The following SLC7A14 variants were observed in gnomAD, a reference collection of about 807,000 sequenced individuals.
SLC7A14 encodes the protein gamma-aminobutyric acid transporter SLC7A14.
Under a neutral mutation model 60.2 loss-of-function variants are expected in SLC7A14, and 37 were observed. That is an observed-to-expected ratio of 0.61 (90% CI 0.47 to 0.81). The LOEUF (loss-of-function observed/expected upper bound fraction) is 0.81. Among genes scored for constraint, SLC7A14 ranks in the 30% least tolerant of loss-of-function variants. The pLI is 0.00. For missense variants in SLC7A14, 886 were observed against 982.7 expected (o/e 0.90, Z 1.32); for synonymous variants, 399 against 395.8 (o/e 1.01, Z -0.10).
chr3:170,530,713 G>C (rs937587597), intron 1 of SLC7A14, among the ~76,000 whole-genome samples: 3 of 152,184 alleles, frequency 2.0e-5, no homozygotes, highest in Admixed American at 6.5e-5. Flanking sequence ...AAAGGCGAGG[G>C]GTGTGGACCT....
intron 1 of SLC7A14, among the ~76,000 whole-genome samples, chr3:170,552,821 G>A (rs1319218433): frequency 3.3e-5 from 5 of 152,314 alleles, no homozygotes; most frequent in Non-Finnish European, 4.4e-5. Context: ...TTGCTTGAAA[G>A]CTTTCGATGA....
intron 1 of SLC7A14, among the ~76,000 whole-genome samples, chr3:170,559,425 T>G (rs1714577564): frequency 1.3e-5 from 2 of 152,228 alleles, no homozygotes; most frequent in African/African-American, 4.8e-5. Context: ...GAAAATTTAT[T>G]AAGTGGGAGA....
At chr3:170,491,903 C>G (rs1712232314) in intron 4 of SLC7A14, among the ~76,000 whole-genome samples, 1 of 152,090 alleles carries the variant, frequency 6.6e-6, no homozygotes, top group Non-Finnish European at 1.5e-5. Flanking sequence ...CTACCAGGGT[C>G]AAACCAAACT....
rs945256637 is a variant in SLC7A14 at position 170,465,667 on chromosome 3, A to G, written c.*1388T>C. Reference sequence around the variant, plus strand: ...CAGAGATTTTATTAATAGCTTGATTAATTTTAATAGCTTGGTTAATTCTAT... The same window carrying G: ...CAGAGATTTTATTAATAGCTTGATTGATTTTAATAGCTTGGTTAATTCTAT... On this transcript the variant is annotated 3_prime_UTR_variant, in exon 8 of 8. Transcript: ENST00000231706. 3.3e-5 allele frequency: 5 copies of G among 152,250 alleles called. No homozygotes were observed. The highest frequency in any genetic ancestry group is 2.0e-4 in the Admixed American group (3 of 15,284). 9.4% of individuals were successfully genotyped at this position (152,250 alleles called of 1,614,324 possible).
chr3:170,565,937 G>T (rs1714775915), intron 1 of SLC7A14, among the ~76,000 whole-genome samples: 1 of 152,170 alleles, frequency 6.6e-6, no homozygotes, highest in Non-Finnish European at 1.5e-5. Flanking sequence ...GCATTTTGTG[G>T]AGTGGTTCAT....
intron 1 of SLC7A14, among the ~76,000 whole-genome samples, chr3:170,579,101 T>C (rs1013971978): frequency 4.6e-5 from 7 of 152,194 alleles, no homozygotes; most frequent in South Asian, 2.1e-4. Context: ...GAATCTTTGA[T>C]AAACTCATAG....
At chr3:170,583,610 A>G (rs1258363147) in intron 1 of SLC7A14, among the ~76,000 whole-genome samples, 4 of 152,222 alleles carry the variant, frequency 2.6e-5, no homozygotes, top group Admixed American at 1.3e-4. Flanking sequence ...CTTTCTTGTA[A>G]AACGATGGTG....
At chr3:170,498,932 C>A in intron 3 of SLC7A14, 48 bp from the exon 4 acceptor site, 1 of 1,579,254 alleles carries the variant, frequency 6.3e-7, no homozygotes, top group East Asian at 2.2e-5. Flanking sequence ...GAAGAAAGGG[C>A]CATGCAAACT....
chr3:170,509,328 A>G (rs1712892148), intron 2 of SLC7A14, among the ~76,000 whole-genome samples: 1 of 152,166 alleles, frequency 6.6e-6, no homozygotes, highest in Non-Finnish European at 1.5e-5. Flanking sequence ...TCAGGGGTGT[A>G]TGACATCATG....
At chr3:170,570,889 A>G (rs1230868958) in intron 1 of SLC7A14, among the ~76,000 whole-genome samples, 1 of 152,006 alleles carries the variant, frequency 6.6e-6, no homozygotes, top group Non-Finnish European at 1.5e-5. Flanking sequence ...TTTTGGTTAC[A>G]TGGATAAATT....
chr3:170,508,951 T>C (rs1712874705), intron 2 of SLC7A14, among the ~76,000 whole-genome samples: 1 of 152,214 alleles, frequency 6.6e-6, no homozygotes, highest in South Asian at 2.1e-4. Context: ...AGCAGGTTGC[T>C]GGGTCCTGAG....
In SLC7A14 at chr3:170,498,762, G is replaced by T; in HGVS notation, c.664C>A (p.Leu222Met). The stretch of plus-strand genomic sequence containing the variant: ...ATCATGATGAACACCCATACTGCCA[G>T]GTTCAGCACATTGAGAACATTGTTG... ...GFNNVLNVLN[L>M]AVWVFIMIAG... is the part of the protein sequence containing the mutation. The change falls in exon 4 of 8, where the codon CTG becomes ATG. Residue 222 changes from leucine to methionine, a missense_variant. By Grantham distance (15) the Leu-to-Met change is conservative (BLOSUM62 2). Transcript: ENST00000231706. 1 of 1,614,182 alleles carries T rather than the reference G, an allele frequency of 6.2e-7. No homozygotes were observed. The highest frequency in any genetic ancestry group is 8.5e-7 in the Non-Finnish European group (1 of 1,180,040).
chr3:170,565,532 G>T (rs1031202665), intron 1 of SLC7A14, among the ~76,000 whole-genome samples: 2 of 152,298 alleles, frequency 1.3e-5, no homozygotes, highest in East Asian at 3.9e-4. Flanking sequence ...CTAGGAAAAA[G>T]GGGTGACAAC....
At chr3:170,527,143 G>T in intron 1 of SLC7A14, 55 bp from the exon 2 acceptor site, 2 of 598,522 alleles carry the variant, frequency 3.3e-6, no homozygotes, top group Non-Finnish European at 5.9e-6. Flanking sequence ...AACAAACCTT[G>T]ACTTGCGGGG....
chr3:170,522,645 G>A (rs1278369572), intron 2 of SLC7A14, among the ~76,000 whole-genome samples: 3 of 152,154 alleles, frequency 2.0e-5, no homozygotes, highest in African/African-American at 7.2e-5. Context: ...GTGGGAGGAG[G>A]GATTAACTAC....
chr3:170,503,372 A>T (rs377186786), intron 2 of SLC7A14, among the ~76,000 whole-genome samples: 8 of 152,202 alleles, frequency 5.3e-5, no homozygotes, highest in African/African-American at 1.7e-4. Flanking sequence ...GAACTCTTCC[A>T]TGGGGAAAGT....
At chr3:170,474,886 G>A (rs934335483) in intron 7 of SLC7A14, among the ~76,000 whole-genome samples, 8 of 152,158 alleles carry the variant, frequency 5.3e-5, no homozygotes, top group Non-Finnish European at 8.8e-5. Context: ...CTATGGTAAG[G>A]GCAAGCTATT....
At chr3:170,507,691 C>T (rs1454835218) in intron 2 of SLC7A14, among the ~76,000 whole-genome samples, 1 of 152,164 alleles carries the variant, frequency 6.6e-6, no homozygotes, top group African/African-American at 2.4e-5. Context: ...AGTGGACTAG[C>T]TGAAAAGGAC....
chr3:170,500,165 G>A (rs1326595572), intron 3 of SLC7A14, among the ~76,000 whole-genome samples: 1 of 152,076 alleles, frequency 6.6e-6, no homozygotes, highest in African/African-American at 2.4e-5. Context: ...GAGAGTGGCC[G>A]GGCACAGTGG....
Sources: allele counts gnomAD v4.1 joint callset (sites outside exome capture counted in the v4.1 genomes callset), GRCh38; gene constraint gnomAD v4.1.1; transcripts MANE v1.5; gene names NCBI Gene and HGNC (gene_info 2026-07-23, HGNC 2026-07-21).